Variants in MALRD1 observed in about 807,000 individuals in gnomAD.
MALRD1 encodes MAM and LDL-receptor class A domain-containing protein 1.
A neutral mutation model predicts 242.1 loss-of-function variants in MALRD1; 247 were observed. The ratio of observed to expected loss-of-function variants is 1.02; its 90% confidence interval spans 0.92 to 1.13. The LOEUF is 1.13. Ranked by LOEUF, MALRD1 falls within the 50% of genes most tolerant of loss-of-function variation. The probability of loss-of-function intolerance (pLI) is 0.00; values close to 1 mark genes in which losing one functional copy is unlikely to be tolerated. For synonymous variants in MALRD1, 995 were observed against 866.6 expected (o/e 1.15, Z -2.60); for missense variants, 2,989 against 2,533.1 (o/e 1.18, Z -3.86).
chr10:19,498,667 C>A, intron 31 of MALRD1, 21 bp downstream of exon 31: 1 of 1,537,350 alleles, frequency 6.5e-7, no homozygotes, highest in Non-Finnish European at 8.8e-7. Flanking sequence ...TAGCCATCCC[C>A]AGACCAAGAA....
chr10:19,703,007 T>C (rs1219367743), intron 38 of MALRD1, among the ~76,000 whole-genome samples: 2 of 152,204 alleles, frequency 1.3e-5, no homozygotes, highest in Non-Finnish European at 2.9e-5. Flanking sequence ...TGTTAGAGAT[T>C]TGATTTCCTG....
At chr10:19,401,895 T>C (rs1846868233) in intron 28 of MALRD1, among the ~76,000 whole-genome samples, 1 of 152,184 alleles carries the variant, frequency 6.6e-6, no homozygotes, top group Admixed American at 6.6e-5. Context: ...TTTTATGTAA[T>C]TTTGAAGAAC....
intron 32 of MALRD1, among the ~76,000 whole-genome samples, chr10:19,550,223 C>A (rs1323161240): frequency 6.6e-6 from 1 of 151,884 alleles, no homozygotes; most frequent in Non-Finnish European, 1.5e-5. Context: ...TATAATTACC[C>A]GCTCCCCTAC....
At chr10:19,619,195 T>C (rs1024465386) in intron 36 of MALRD1, among the ~76,000 whole-genome samples, 1 of 144,964 alleles carries the variant, frequency 6.9e-6, no homozygotes, top group African/African-American at 2.9e-5. Flanking sequence ...TCTAGAACTT[T>C]CTGTTTGTTA....
At chr10:19,678,141 T>C (rs540373463) in intron 36 of MALRD1, among the ~76,000 whole-genome samples, 14 of 152,318 alleles carry the variant, frequency 9.2e-5, no homozygotes, top group African/African-American at 3.4e-4. Context: ...AGGATTGTCT[T>C]GGGTATATTG....
At chr10:19,212,341 C>A (rs549846580) in intron 18 of MALRD1, among the ~76,000 whole-genome samples, 1 of 152,246 alleles carries the variant, frequency 6.6e-6, no homozygotes, top group African/African-American at 2.4e-5. Flanking sequence ...TTACACTATG[C>A]ACTTTTTTGT....
At chr10:19,508,475 A>G (rs1031018673) in intron 31 of MALRD1, among the ~76,000 whole-genome samples, 1 of 152,200 alleles carries the variant, frequency 6.6e-6, no homozygotes, top group African/African-American at 2.4e-5. Context: ...TGGAATACCA[A>G]ATTTTCTGAC....
chr10:19,447,041 AACACACACACACACACACACATACACAG>A (rs1401269583), intron 28 of MALRD1, among the ~76,000 whole-genome samples: 1,762 of 148,454 alleles, frequency 0.012, 24 homozygotes, highest in Non-Finnish European at 0.012. Context: ...CTCTGTTAGG[AACACACACACACACACACACATACACAG>A]ACACACACAC....
intron 26 of MALRD1, among the ~76,000 whole-genome samples, chr10:19,357,400 T>A (rs935593627): frequency 6.6e-6 from 1 of 152,174 alleles, no homozygotes; most frequent in African/African-American, 2.4e-5. Flanking sequence ...TTTTACATTA[T>A]CCTGTATTTT....
chr10:19,248,108 A>G (rs1487740746), intron 18 of MALRD1, among the ~76,000 whole-genome samples: 1 of 152,078 alleles, frequency 6.6e-6, no homozygotes, highest in East Asian at 1.9e-4. Context: ...ATTGGCAGAC[A>G]GTCGGTTACA....
In MALRD1 at chr10:19,486,023, C is replaced by G. The variant is rs185640488; in HGVS notation, c.5030-5494C>G. On this transcript the variant is annotated intron_variant, in intron 29 of 39. Transcript: ENST00000454679. Reference sequence around the variant, plus strand: ...AAATATTGTGTATATGTTATGATTACAAGTATTTAACCTAGTTACAAAAAA... The same window carrying G: ...AAATATTGTGTATATGTTATGATTAGAAGTATTTAACCTAGTTACAAAAAA... Among the ~76,000 whole-genome samples, 405 of 151,860 alleles carry G rather than the reference C, an allele frequency of 2.7e-3. 3 individuals are homozygous for G. The highest frequency in any genetic ancestry group is 3.7e-3 in the Non-Finnish European group (250 of 67,942).
intron 14 of MALRD1, among the ~76,000 whole-genome samples, chr10:19,191,132 A>G (rs557817266): frequency 3.9e-5 from 6 of 152,348 alleles, no homozygotes; most frequent in African/African-American, 1.2e-4. Flanking sequence ...CAATTCAAAA[A>G]TAGACAAAAT....
Position 19,387,634 on chromosome 10 carries a change from G to T in MALRD1, c.4548G>T (p.Glu1516Asp). Residue 1516 changes from glutamate (E) to aspartate (D), a missense_variant, in exon 27 of 40, where the codon GAG becomes GAT. Physicochemically the swap from Glu to Asp is conservative, Grantham distance 45 (BLOSUM62 2). Coordinates refer to ENST00000454679, the MANE Select transcript of MALRD1 (RefSeq NM_001142308.3). ...DNCGDNTDEN[E>D]CGSSCTFEKG... ...GTGGAGATAATACTGATGAAAATGA[G>T]TGTGGTAGCTCCTGTACTTTTGAAA... The T allele has an allele frequency of 3.2e-6, 5 of 1,550,410 alleles. No individual in the cohort carries two copies. Among genetic ancestry groups the T allele is most frequent in the Non-Finnish European group, 4.4e-6 (5 of 1,146,886 alleles).
chr10:19,591,306 A>G (rs1837769578), intron 33 of MALRD1, among the ~76,000 whole-genome samples: 1 of 152,204 alleles, frequency 6.6e-6, no homozygotes, highest in African/African-American at 2.4e-5. Context: ...TCCAATATCT[A>G]AAGAATAAAT....
intron 32 of MALRD1, among the ~76,000 whole-genome samples, chr10:19,555,794 T>A (rs536449609): frequency 2.0e-5 from 3 of 152,274 alleles, no homozygotes; most frequent in African/African-American, 7.2e-5. Context: ...TAGGCAAAGA[T>A]GTTTGGTCTC....
At chr10:19,625,060 AAG>A (rs3069631) in intron 36 of MALRD1, among the ~76,000 whole-genome samples, 18 of 148,502 alleles carry the variant, frequency 1.2e-4, no homozygotes, top group Non-Finnish European at 1.8e-4. Context: ...CTATTTTAAA[AAG>A]AGAGAGAGAG....
intron 31 of MALRD1, among the ~76,000 whole-genome samples, chr10:19,510,229 G>A (rs1589174128): frequency 6.6e-6 from 1 of 152,186 alleles, no homozygotes; most frequent in African/African-American, 2.4e-5. Context: ...ATACAATCGA[G>A]TTTTACACTG....
intron 24 of MALRD1, 126 bp downstream of exon 24, chr10:19,331,708 T>A: frequency 1.4e-6 from 1 of 705,420 alleles, no homozygotes; most frequent in Non-Finnish European, 2.4e-6. Flanking sequence ...TAAGGTGATT[T>A]AACTTGACAC....
At chr10:19,102,060 TATA>T (rs1189874535) in intron 4 of MALRD1, among the ~76,000 whole-genome samples, 1 of 97,342 alleles carries the variant, frequency 1.0e-5, no homozygotes, top group African/African-American at 4.1e-5. Context: ...TATATTATAA[TATA>T]ATTATAACAT....
Sources: gnomAD v4.1 joint callset for allele counts (sites outside exome capture counted in the v4.1 genomes callset) on GRCh38, gnomAD v4.1.1 for gene constraint, MANE v1.5 for transcripts, NCBI Gene and HGNC (gene_info 2026-07-23, HGNC 2026-07-21) for gene names.